Variants in RNF213 observed in about 807,000 individuals in gnomAD.
RNF213 encodes E3 ubiquitin-protein ligase RNF213.
A neutral mutation model predicts 514.4 loss-of-function variants in RNF213; 341 were observed. The ratio of observed to expected loss-of-function variants is 0.66; its 90% CI spans 0.61 to 0.73. RNF213 has a LOEUF of 0.73. Among genes scored for constraint, RNF213 ranks in the 30% least tolerant of loss-of-function variants. RNF213 has a pLI of 0.00. For synonymous variants in RNF213, 2,655 were observed against 2,658.2 expected (o/e 1.00, Z 0.04); for missense variants, 5,767 against 6,615.6 (o/e 0.87, Z 4.45).
rs2078636982 is a variant in RNF213, at chr17:80,354,053, G to A, written c.10613G>A (p.Ser3538Asn). 3 of 1,613,996 alleles carry A rather than the reference G, an allele frequency of 1.9e-6. 1 individual carries two copies. Among genetic ancestry groups the A allele is most frequent in the African/African-American group, 1.3e-5 (1 of 75,070 alleles). The change falls in exon 35 of 68, where the codon AGC (serine) becomes AAC (asparagine). Residue 3538 changes from serine (S) to asparagine (N), a missense_variant. By Grantham distance (46) the Ser-to-Asn change is conservative (BLOSUM62 1). Coordinates refer to ENST00000582970, the MANE Select transcript of RNF213 (RefSeq NM_001256071.3). ...SILDTTRLLR[S>N]CVQSAVGMLR... Reference sequence around the variant, plus strand: ...CTGGACACCACCAGGCTGCTGAGAAGCTGTGTGCAGAGCGCCGTGGGCATG... The same window carrying A: ...CTGGACACCACCAGGCTGCTGAGAAACTGTGTGCAGAGCGCCGTGGGCATG...
chr17:80,381,703 G>A lies in RNF213; in HGVS notation c.13954G>A (p.Glu4652Lys). The change falls in exon 57 of 68, where the codon GAG (glutamate) becomes AAG (lysine). Residue 4652 changes from glutamate to lysine, a missense_variant. By Grantham distance (56) the Glu-to-Lys change is moderately conservative. Around this residue, in one of 13 missense-constraint regions of RNF213, gnomAD observed 1,245 missense variants for 1,339.0 expected, o/e 0.93. Transcript: ENST00000582970. Reference protein sequence around the residue: ...VHLVLRRLLQEQHQLSSRRLL... With the variant: ...VHLVLRRLLQKQHQLSSRRLL... ...CCTCGTCCTGCGCAGGCTTCTCCAA[G>A]AGCAGCACCAGCTCTCTAGCAGAAG... 1 of 1,614,008 alleles carries A rather than the reference G, an allele frequency of 6.2e-7. No individual in the cohort carries two copies. The highest frequency in any genetic ancestry group is 8.5e-7 in the Non-Finnish European group (1 of 1,180,014).
chr17:80,385,635 C>G lies in RNF213; in HGVS notation c.14539+14C>G, dbSNP rs1568169051. 1 of 1,609,200 alleles carries G rather than the reference C, an allele frequency of 6.2e-7. No individual in the cohort carries two copies. The highest frequency in any genetic ancestry group is 1.3e-5 in the African/African-American group (1 of 74,842). On this transcript the variant is annotated intron_variant, in intron 61 of 67. Coordinates refer to ENST00000582970, the MANE Select transcript of RNF213 (RefSeq NM_001256071.3). ...TTGAGACGAACGGTTAGTATCCTGT[C>G]CCCTGTACCACTAAGCGTTCCAGGA...
In RNF213 at chr17:80,343,815, C is replaced by T; in HGVS notation, c.6184-42C>T. ...GTTACTTAGAGTTGGGAGAACTCGC[C>T]ATCGTGTCGTGTGTTTACACCTCGT... On this transcript the variant is annotated intron_variant, in intron 27 of 67. Transcript: ENST00000582970. The surrounding 1 kb of genome is among the most constrained non-coding windows in gnomAD (Gnocchi z 4.3). The T allele has an allele frequency of 4.3e-6, 7 of 1,610,362 alleles. No homozygotes were observed. The highest frequency in any genetic ancestry group is 1.1e-5 in the South Asian group (1 of 90,944).
In RNF213 at chr17:80,346,993, C is replaced by T; in HGVS notation, c.8658C>T (p.Asn2886=). 6.2e-7 allele frequency: 1 copy of T among 1,613,922 alleles called. No homozygotes were observed. The highest frequency in any genetic ancestry group is 1.1e-5 in the South Asian group (1 of 91,052). ...HKKVGFVGIS[N]WALDPAKMNR... Reference sequence around the variant, plus strand: ...AGGTCGGCTTCGTGGGCATCTCCAACTGGGCCCTTGACCCTGCCAAGATGA... The same window carrying T: ...AGGTCGGCTTCGTGGGCATCTCCAATTGGGCCCTTGACCCTGCCAAGATGA... Residue 2886 remains asparagine (N), a synonymous_variant, in exon 29 of 68, where the codon AAC becomes AAT. Transcript: ENST00000582970. The surrounding 1 kb of genome is among the most constrained non-coding windows in gnomAD (Gnocchi z 8.1).
intron 3 of RNF213, among the ~76,000 whole-genome samples, chr17:80,281,050 A>G (rs1434745546): frequency 6.7e-6 from 1 of 149,638 alleles, no homozygotes; most frequent in Non-Finnish European, 1.5e-5. Context: ...AAACACACAC[A>G]CTCCACTCAC....
At chr17:80,358,245 G>T in intron 36 of RNF213, 43 bp from the exon 37 acceptor site, 1 of 1,592,430 alleles carries the variant, frequency 6.3e-7, no homozygotes, top group Non-Finnish European at 8.6e-7. Flanking sequence ...CGCCACTCTG[G>T]TTCCTCTGAC....
At position 80,345,085 on chromosome 17, in the gene RNF213, C is replaced by T. The variant is rs1456138338; in HGVS notation, c.6750C>T (p.Phe2250=). ...IGDTLRGFKK[F]VVTFMIFMAR... is the part of the protein sequence containing the mutation. ...ACACACTGAGGGGCTTCAAGAAGTT[C>T]GTGGTGACCTTCATGATCTTTATGG... is the stretch of plus-strand genomic sequence containing the variant. Residue 2250 remains phenylalanine, a synonymous_variant, in exon 29 of 68, where the codon TTC becomes TTT. Transcript: ENST00000582970. This position sits in a 1 kb window ranked among gnomAD's most constrained non-coding sequence, Gnocchi z 6.0. 16 of 1,614,126 alleles carry T rather than the reference C, an allele frequency of 9.9e-6. No homozygotes were observed. The highest frequency in any genetic ancestry group is 1.2e-5 in the Non-Finnish European group (14 of 1,180,030).
chr17:80,381,592 T>A lies in RNF213; in HGVS notation c.13843T>A (p.Phe4615Ile). 6.2e-7 allele frequency: 1 copy of A among 1,614,190 alleles called. No individual in the cohort carries two copies. The highest frequency in any genetic ancestry group is 1.1e-5 in the South Asian group (1 of 91,084). Residue 4615 changes from phenylalanine (F) to isoleucine (I), a missense_variant, in exon 57 of 68, where the codon TTT (phenylalanine) becomes ATT (isoleucine). Phe to Ile is a conservative substitution (Grantham distance 21). This residue lies in a region of RNF213 where 1,245 missense variants were observed against 1,339.0 expected (regional missense o/e 0.93). Coordinates refer to ENST00000582970, the MANE Select transcript of RNF213 (RefSeq NM_001256071.3). ...IKPPVRDPKG[F>I]LQQHILKDLE... The stretch of plus-strand genomic sequence containing the variant: ...GCCTCCAGTGAGGGATCCAAAAGGC[T>A]TTCTGCAGCAGCACATCCTGAAGGA...
intron 44 of RNF213, 72 bp downstream of exon 44, chr17:80,368,215 A>C: frequency 6.6e-7 from 1 of 1,513,844 alleles, no homozygotes; most frequent in South Asian, 1.1e-5. Context: ...AATATTCAGA[A>C]ATATAAACTC....
rs1354651991 is a variant in RNF213 at position 80,376,519 on chromosome 17, G to C, written c.13404G>C (p.Leu4468=). ...AACTCTTGGAGCCCCTAAAGAATCT[G>C]GCCTTCTCCCCAGCCACCATGGCGG... The part of the protein sequence containing the change: ...QNELLEPLKN[L]AFSPATMAHA... Residue 4468 remains leucine, a synonymous_variant, in exon 52 of 68, where the codon CTG becomes CTC. Coordinates refer to ENST00000582970, the MANE Select transcript of RNF213 (RefSeq NM_001256071.3). 2.5e-6 allele frequency: 4 copies of C among 1,613,952 alleles called. No homozygotes were observed. Among genetic ancestry groups the C allele is most frequent in the Non-Finnish European group, 3.4e-6 (4 of 1,180,036 alleles).
chr17:80,318,943 A>C (rs1004849407), intron 16 of RNF213, among the ~76,000 whole-genome samples: 5 of 152,192 alleles, frequency 3.3e-5, no homozygotes, highest in Admixed American at 6.5e-5. Flanking sequence ...ATGTCTCATA[A>C]CTTACCTGTT....
In RNF213 at chr17:80,375,782, A is replaced by G. The variant is rs145156874; in HGVS notation, c.13097A>G (p.Gln4366Arg). 21 of 1,614,056 alleles carry G rather than the reference A, an allele frequency of 1.3e-5. No homozygotes were observed. In the African/African-American group the frequency reaches 2.8e-4, roughly 22 times the overall value. Reference protein sequence around the residue: ...ALKACKTPQSQQSAYFLLTLF... With the variant: ...ALKACKTPQSRQSAYFLLTLF... ...CAGGCCTGCAAGACCCCCCAAAGCC[A>G]GCAGTCAGCCTACTTCCTGTTAACA... Residue 4366 changes from glutamine to arginine, a missense_variant, in exon 51 of 68, where the codon CAG (glutamine) becomes CGG (arginine). Around this residue, in one of 13 missense-constraint regions of RNF213, gnomAD observed 1,245 missense variants for 1,339.0 expected, o/e 0.93. Coordinates refer to ENST00000582970, the MANE Select transcript of RNF213 (RefSeq NM_001256071.3).
intron 63 of RNF213, among the ~76,000 whole-genome samples, chr17:80,387,605 T>C (rs556194342): frequency 6.6e-6 from 1 of 152,308 alleles, no homozygotes; most frequent in African/African-American, 2.4e-5. Flanking sequence ...GGTGCCCACC[T>C]CCAGGTTCTT....
chr17:80,386,717 T>C lies in RNF213; in HGVS notation c.14748T>C (p.Thr4916=). 1 of 1,614,242 alleles carries C rather than the reference T, an allele frequency of 6.2e-7. No individual in the cohort carries two copies. The highest frequency in any genetic ancestry group is 1.3e-5 in the African/African-American group (1 of 75,064). ...ATTCCGTGGATGCCGCCGAGGTCAC[T>C]GAACTGCATGTCATCAGTTATGAAG... The part of the protein sequence containing the change: ...NSYSVDAAEV[T]ELHVISYEVE... Residue 4916 remains threonine, a synonymous_variant, in exon 63 of 68, where the codon ACT becomes ACC. Coordinates refer to ENST00000582970, the MANE Select transcript of RNF213 (RefSeq NM_001256071.3).
rs148087648 is a variant in RNF213, at chr17:80,386,398, C to T, written c.14688C>T (p.Tyr4896=). 609 of 1,614,138 alleles carry T rather than the reference C, an allele frequency of 3.8e-4. No individual in the cohort carries two copies. Among genetic ancestry groups the T allele is most frequent in the Non-Finnish European group, 4.8e-4 (572 of 1,180,038 alleles). The change falls in exon 62 of 68, where the codon TAC becomes TAT. Residue 4896 remains tyrosine, a synonymous_variant. Transcript: ENST00000582970. ...TTCGCCTACACAATGAAATTGTCTA[C>T]GCCGTGGAAAAACTCTCCAAGGAAA... is the stretch of plus-strand genomic sequence containing the variant. ...YLIRLHNEIV[Y]AVEKLSKENN... is the part of the protein sequence containing the mutation.
chr17:80,374,614 C>A, intron 50 of RNF213, 25 bp downstream of exon 50: 1 of 1,613,546 alleles, frequency 6.2e-7, no homozygotes, highest in Non-Finnish European at 8.5e-7. Context: ...TGGCTTCTCT[C>A]TGATACCAGG....
At chr17:80,391,116 T>C (rs1486150142) in intron 67 of RNF213, among the ~76,000 whole-genome samples, 2 of 152,186 alleles carry the variant, frequency 1.3e-5, no homozygotes. Flanking sequence ...AAAGAGTGTA[T>C]GAGAATACTC....
At chr17:80,290,488 T>TGTGTGTGCAC in intron 6 of RNF213, 82 bp from the exon 7 acceptor site, 1 of 1,304,170 alleles carries the variant, frequency 7.7e-7, no homozygotes, top group Non-Finnish European at 1.1e-6. Context: ...TGTGCGCACG[T>TGTGTGTGCAC]GTGTGTGTGC....
Position 80,361,869 on chromosome 17 carries a change from C to T in RNF213, c.11336C>T (p.Ser3779Leu). 3 of 1,613,274 alleles carry T rather than the reference C, an allele frequency of 1.9e-6. No individual in the cohort carries two copies. The highest frequency in any genetic ancestry group is 1.7e-6 in the Non-Finnish European group (2 of 1,179,498). Reference sequence around the variant, plus strand: ...TTCATTCTCTTGACCATGCGTGTGTCAACGGAGGAGGAATTAAAGGTAGAT... The same window carrying T: ...TTCATTCTCTTGACCATGCGTGTGTTAACGGAGGAGGAATTAAAGGTAGAT... The part of the protein sequence containing the change: ...KDFILLTMRV[S>L]TEEELKFLQM... Residue 3779 changes from serine (S) to leucine (L), a missense_variant, in exon 39 of 68, where the codon TCA becomes TTA. By Grantham distance (145) the Ser-to-Leu change is moderately radical (BLOSUM62 -2). Around this residue, in one of 13 missense-constraint regions of RNF213, gnomAD observed 355 missense variants for 358.0 expected, o/e 0.99. Transcript: ENST00000582970.
Sources: allele counts gnomAD v4.1 joint callset (sites outside exome capture counted in the v4.1 genomes callset), GRCh38; gene constraint gnomAD v4.1.1; regional missense constraint gnomAD v4.1.1; non-coding constraint Gnocchi (gnomAD v3.1); transcripts MANE v1.5; gene names NCBI Gene and HGNC (gene_info 2026-07-23, HGNC 2026-07-21).